LRRK1: variants seen among roughly 807,000 people sequenced by gnomAD.
The protein encoded by LRRK1 is leucine-rich repeat serine/threonine-protein kinase 1.
In LRRK1, 113 loss-of-function variants were observed where a neutral mutation model predicts 209.1. The ratio of observed to expected loss-of-function variants is 0.54; its 90% confidence interval spans 0.46 to 0.63. The LOEUF is 0.63. Among genes scored for constraint, LRRK1 ranks in the 30% least tolerant of loss-of-function variants. LRRK1 has a pLI of 0.00. For synonymous variants in LRRK1, 1,144 were observed against 1,099.7 expected, an observed-to-expected ratio of 1.04 and a Z score of -0.80; for missense variants, 2,284 against 2,632.2, an observed-to-expected ratio of 0.87 and a Z score of 2.89.
intron 2 of LRRK1, among the ~76,000 whole-genome samples, chr15:100,959,070 G>T (rs181531861): frequency 6.6e-6 from 1 of 152,184 alleles, no homozygotes; most frequent in Non-Finnish European, 1.5e-5. Context: ...GTTGGAGGGG[G>T]ATGTGTGGCT....
At chr15:100,940,940 C>A (rs985635007) in intron 2 of LRRK1, among the ~76,000 whole-genome samples, 1 of 152,214 alleles carries the variant, frequency 6.6e-6, no homozygotes, top group Non-Finnish European at 1.5e-5. Flanking sequence ...CCTGGCTAGA[C>A]CCTGCCTTGC....
Position 101,012,114 on chromosome 15 carries a change from A to G in LRRK1, c.1388A>G (p.Lys463Arg), listed in dbSNP as rs1487597371. Residue 463 changes from lysine (K) to arginine (R), a missense_variant, in exon 10 of 34, where the codon AAA (lysine) becomes AGA (arginine). Physicochemically the swap from Lys to Arg is conservative, Grantham distance 26 (BLOSUM62 2). This residue lies in a region of LRRK1 where 494 missense variants were observed against 522.1 expected (regional missense o/e 0.95). Coordinates refer to ENST00000388948, the MANE Select transcript of LRRK1 (RefSeq NM_024652.6). The part of the protein sequence containing the change: ...KDVDFSENAL[K>R]EVPLGLFQLD... ...GTGGATTTCTCAGAAAACGCACTCA[A>G]AGAAGTTCCCCTGGGACTTTTCCAG... The G allele has an allele frequency of 5.6e-6, 9 of 1,612,238 alleles. No homozygotes were observed. Among genetic ancestry groups the G allele is most frequent in the East Asian group, 2.2e-5 (1 of 44,844 alleles).
chr15:100,973,847 C>A lies in LRRK1; in HGVS notation c.141C>A (p.Asp47Glu). 3.9e-6 allele frequency: 5 copies of A among 1,291,892 alleles called. No individual in the cohort carries two copies. Among genetic ancestry groups the A allele is most frequent in the Non-Finnish European group, 4.9e-6 (5 of 1,015,972 alleles). 80.0% of individuals were successfully genotyped at this position (1,291,892 alleles called of 1,614,324 possible). The change falls in exon 3 of 34, where the codon GAC (aspartate) becomes GAA (glutamate). Residue 47 changes from aspartate to glutamate, a missense_variant. Physicochemically the swap from Asp to Glu is conservative, Grantham distance 45. Around this residue, in one of 6 missense-constraint regions of LRRK1, gnomAD observed 174 missense variants for 133.5 expected, o/e 1.30. Coordinates refer to ENST00000388948, the MANE Select transcript of LRRK1 (RefSeq NM_024652.6). ...GCAAGCCGTCCACGCGGGGCGGTGACCCTGCAGCGCGGTCCCGCAGGACGG... is the reference window on the plus strand; with the variant it reads ...GCAAGCCGTCCACGCGGGGCGGTGAACCTGCAGCGCGGTCCCGCAGGACGG... ...TGGKPSTRGG[D>E]PAARSRRTEG...
chr15:100,968,602 T>A (rs4965748), intron 2 of LRRK1, among the ~76,000 whole-genome samples: 105,707 of 151,978 alleles, frequency 0.7, 37,171 homozygotes, highest in Middle Eastern at 0.76. Context: ...TTTTTGAATA[T>A]TTTTTTGCTG....
chr15:100,994,856 C>T lies in LRRK1; in HGVS notation c.762+5458C>T, dbSNP rs79958617. Among the ~76,000 whole-genome samples the T allele has an allele frequency of 9.7e-4, 147 of 152,202 alleles. 4 individuals carry two copies. The East Asian group carries it at 0.024, about 25-fold the overall frequency. On this transcript the variant is annotated intron_variant, in intron 6 of 33. Transcript: ENST00000388948. ...TGGCAGAAGAGAACAGAGAGGGGTC[C>T]GGGCAGAGGGTTCCGGCAGTCAGGA...
Position 100,956,455 on chromosome 15 carries a change from C to CTTTTTCTTTTCTTTTCTTTTTTTTT in LRRK1, c.98-17344_98-17343insCTTTTCTTTTCTTTTTTTTTTTTTT. 5.0e-5 allele frequency among the ~76,000 whole-genome samples: 3 copies of CTTTTTCTTTTCTTTTCTTTTTTTTT among 60,534 alleles called. 1 individual carries two copies. Among genetic ancestry groups the CTTTTTCTTTTCTTTTCTTTTTTTTT allele is most frequent in the Non-Finnish European group, 8.6e-5 (3 of 34,790 alleles). 39.7% of individuals were successfully genotyped at this position (60,534 alleles called of 152,430 possible). On this transcript the variant is annotated intron_variant, in intron 2 of 33. Coordinates refer to ENST00000388948, the MANE Select transcript of LRRK1 (RefSeq NM_024652.6). Reference sequence around the variant, plus strand: ...TTCGCTTTTCTTTCCTTTTTTTTTTCTTTTTTTTTTTTTTTTTTGAGACAG... The same window carrying CTTTTTCTTTTCTTTTCTTTTTTTTT: ...TTCGCTTTTCTTTCCTTTTTTTTTTCTTTTTCTTTTCTTTTCTTTTTTTTTTTTTTTTTTTTTTTTTTTGAGACAG...
chr15:101,022,255 C>G lies in LRRK1; in HGVS notation c.1853-128C>G, dbSNP rs1405749806. ...GTGTCATGCCTTCCCTCCCCCTGAT[C>G]CAGTAGTCTTCCTTAACTGTCCCCA... On this transcript the variant is annotated intron_variant, in intron 14 of 33. Coordinates refer to ENST00000388948, the MANE Select transcript of LRRK1 (RefSeq NM_024652.6). This position sits in a 1 kb window ranked among gnomAD's most constrained non-coding sequence, Gnocchi z 4.0. 3 of 916,110 alleles carry G rather than the reference C, an allele frequency of 3.3e-6. No homozygotes were observed. The highest frequency in any genetic ancestry group is 4.2e-5 in the Admixed American group (2 of 47,396). 56.7% of individuals were successfully genotyped at this position (916,110 alleles called of 1,614,324 possible).
chr15:100,958,077 A>G (rs2042801456), intron 2 of LRRK1, among the ~76,000 whole-genome samples: 1 of 152,174 alleles, frequency 6.6e-6, no homozygotes, highest in Non-Finnish European at 1.5e-5. Flanking sequence ...GCTGGTCTCA[A>G]ACTCCTGACC....
chr15:101,057,977 T>G lies in LRRK1; in HGVS notation c.4528-13T>G. Reference sequence around the variant, plus strand: ...AGTGACCTTGCTCTCTTCTGGTGGCTTCTCTCCCTCAGCGACCGCTGGCCC... The same window carrying G: ...AGTGACCTTGCTCTCTTCTGGTGGCGTCTCTCCCTCAGCGACCGCTGGCCC... On this transcript the variant is annotated splice_polypyrimidine_tract_variant and intron_variant, in intron 28 of 33. Transcript: ENST00000388948. 1.2e-6 allele frequency: 2 copies of G among 1,614,014 alleles called. No homozygotes were observed. The highest frequency in any genetic ancestry group is 1.7e-6 in the Non-Finnish European group (2 of 1,179,942).
intron 3 of LRRK1, among the ~76,000 whole-genome samples, chr15:100,982,614 C>T (rs1464630473): frequency 6.6e-6 from 1 of 152,224 alleles, no homozygotes; most frequent in East Asian, 1.9e-4. Flanking sequence ...GCCACCAAGT[C>T]AAGAGTCCCT....
rs773425447 is a variant in LRRK1, at chr15:101,012,155, A to G, written c.1419+10A>G. The G allele has an allele frequency of 1.6e-5, 25 of 1,588,968 alleles. No individual in the cohort carries two copies. The African/African-American group carries it at 2.6e-4, about 16-fold the overall frequency. ...ACTTTTCCAGCTTGATGTAAGCCTA[A>G]TAGCCCTTTCTTTCTCATTTTCGGC... On this transcript the variant is annotated intron_variant, in intron 10 of 33. Coordinates refer to ENST00000388948, the MANE Select transcript of LRRK1 (RefSeq NM_024652.6).
rs183404620 is a variant in LRRK1 at position 100,981,663 on chromosome 15, A to G, written c.262-1865A>G. Among the ~76,000 whole-genome samples, 44 of 151,924 alleles carry G rather than the reference A, an allele frequency of 2.9e-4. 1 individual carries two copies. In the East Asian group the frequency reaches 8.1e-3, roughly 28 times the overall value. On this transcript the variant is annotated intron_variant, in intron 3 of 33. Coordinates refer to ENST00000388948, the MANE Select transcript of LRRK1 (RefSeq NM_024652.6). Reference sequence around the variant, plus strand: ...CTCTGAGTAGTTCTGCTGATGATAAACTCCCTAACCATGGGCAAGCTTTTA... The same window carrying G: ...CTCTGAGTAGTTCTGCTGATGATAAGCTCCCTAACCATGGGCAAGCTTTTA...
At chr15:100,931,817 A>C (rs920802014) in intron 2 of LRRK1, among the ~76,000 whole-genome samples, 4 of 152,180 alleles carry the variant, frequency 2.6e-5, no homozygotes, top group Non-Finnish European at 5.9e-5. Flanking sequence ...CACTATGAGC[A>C]TTCTCCTGGT....
intron 20 of LRRK1, among the ~76,000 whole-genome samples, chr15:101,041,829 G>T (rs2034771993): frequency 6.6e-6 from 1 of 151,986 alleles, no homozygotes; most frequent in Non-Finnish European, 1.5e-5. Flanking sequence ...AAGTTTAATT[G>T]TAAACCAGTA....
At position 101,066,798 on chromosome 15, in the gene LRRK1, C is replaced by T; in HGVS notation, c.5870+57C>T. The T allele has an allele frequency of 6.5e-6, 9 of 1,386,026 alleles. No individual in the cohort carries two copies. In the South Asian group the frequency reaches 1.0e-4, roughly 16 times the overall value. 85.9% of individuals were successfully genotyped at this position (1,386,026 alleles called of 1,614,324 possible). A position where few individuals can be genotyped will look rare whatever the true frequency, so the allele number is the denominator to read the frequency against. On this transcript the variant is annotated intron_variant, in intron 33 of 33. Coordinates refer to ENST00000388948, the MANE Select transcript of LRRK1 (RefSeq NM_024652.6). ...AGGCAGCAGCATGAGCACAGAAGGC[C>T]CTGCAGCCAGGTCCTGCACAGTGGC...
Position 100,924,538 on chromosome 15 carries a change from G to C in LRRK1, c.-95G>C, listed in dbSNP as rs746007517. On this transcript the variant is annotated 5_prime_UTR_variant, in exon 2 of 34. Coordinates refer to ENST00000388948, the MANE Select transcript of LRRK1 (RefSeq NM_024652.6). ...CAAGAAAGCTTTCTGCTCAGCCATG[G>C]CTACGAGTCCACGCCTTAATGCACC... 13 of 1,022,032 alleles carry C rather than the reference G, an allele frequency of 1.3e-5. No individual in the cohort carries two copies. The highest frequency in any genetic ancestry group is 1.7e-5 in the Non-Finnish European group (11 of 659,388). The allele number at this position is 1,022,032 out of a possible 1,614,324, so 63.3% of individuals were successfully genotyped here. A position where few individuals can be genotyped will look rare whatever the true frequency, so the allele number is the denominator to read the frequency against.
In LRRK1 at chr15:101,076,631, G is replaced by T. The variant is rs901932392; in HGVS notation, c.*7783G>T. 1 of 152,236 alleles carries T rather than the reference G, an allele frequency of 6.6e-6. No individual in the cohort carries two copies. Among genetic ancestry groups the T allele is most frequent in the Non-Finnish European group, 1.5e-5 (1 of 68,172 alleles). The allele number at this position is 152,236 out of a possible 1,614,324, so 9.4% of individuals were successfully genotyped here. A position where few individuals can be genotyped will look rare whatever the true frequency, so the allele number is the denominator to read the frequency against. On this transcript the variant is annotated 3_prime_UTR_variant, in exon 34 of 34. Transcript: ENST00000388948. Reference sequence around the variant, plus strand: ...TAGAACCTCTCATTTCCTTTCCATCGTGGAAATCTATCCTCAAGGAAATAA... The same window carrying T: ...TAGAACCTCTCATTTCCTTTCCATCTTGGAAATCTATCCTCAAGGAAATAA...
Position 101,061,240 on chromosome 15 carries a change from G to T in LRRK1, c.4749G>T (p.Lys1583Asn), listed in dbSNP as rs1156549086. 1 of 1,614,176 alleles carries T rather than the reference G, an allele frequency of 6.2e-7. No homozygotes were observed. The highest frequency in any genetic ancestry group is 1.3e-5 in the African/African-American group (1 of 75,048). The change falls in exon 30 of 34, where the codon AAG (lysine) becomes AAT (asparagine). Residue 1583 changes from lysine to asparagine, a missense_variant. Transcript: ENST00000388948. ...EVQRMCCPGM[K>N]VSCQLQVQRS... ...AGAGGATGTGCTGCCCTGGGATGAA[G>T]GTGAGCTGCCAGCTCCAGGTCCAGA...
chr15:100,995,096 C>A (rs868332942), intron 6 of LRRK1, among the ~76,000 whole-genome samples: 1 of 152,158 alleles, frequency 6.6e-6, no homozygotes, highest in African/African-American at 2.4e-5. Context: ...GCACGTGTGA[C>A]GGAGGTTGTT....
Sources: gnomAD v4.1 joint callset for allele counts (sites outside exome capture counted in the v4.1 genomes callset) on GRCh38, gnomAD v4.1.1 for gene constraint, gnomAD v4.1.1 regional missense constraint, Gnocchi (gnomAD v3.1) non-coding constraint, MANE v1.5 for transcripts, NCBI Gene and HGNC (gene_info 2026-07-23, HGNC 2026-07-21) for gene names.